CRELD2: variants seen among roughly 807,000 people sequenced by gnomAD.
CRELD2 encodes the protein protein disulfide isomerase CRELD2.
CRELD2 carries 33 observed loss-of-function variants against 48.1 expected under a neutral mutation model. That is an observed-to-expected ratio of 0.69 (90% confidence interval 0.52 to 0.92). The LOEUF (loss-of-function observed/expected upper bound fraction) is 0.92. Ranked by LOEUF, CRELD2 falls within the 40% of genes least tolerant of loss-of-function variation. The pLI is 0.00. For missense variants in CRELD2, 477 were observed against 482.4 expected (o/e 0.99, Z 0.10); for synonymous variants, 220 against 203.9 (o/e 1.08, Z -0.67).
At chr22:49,921,795 AG>A in intron 5 of CRELD2, 34 bp downstream of exon 5, 1 of 1,581,304 alleles carries the variant, frequency 6.3e-7, no homozygotes, top group Non-Finnish European at 8.6e-7. Flanking sequence ...CCCGGGGTTG[AG>A]GCGGGATGAC....
At chr22:49,921,987 C>A (rs748666312) in intron 5 of CRELD2, 20 of 605,958 alleles carry the variant, frequency 3.3e-5, no homozygotes, top group Non-Finnish European at 5.8e-6. Flanking sequence ...AAGCTACTCA[C>A]CTTTCTCTCT....
At chr22:49,922,850 AGGTGTGG>A (rs2060710901) in intron 6 of CRELD2, 143 bp downstream of exon 6, 1 of 69,228 alleles carries the variant, frequency 1.4e-5, no homozygotes, top group African/African-American at 1.0e-4. Flanking sequence ...TGGGGGCGTG[AGGTGTGG>A]GGCTTGGGGT....
intron 8 of CRELD2, chr22:49,925,212 G>T (rs1428674125): frequency 2.1e-6 from 1 of 479,718 alleles, no homozygotes; most frequent in East Asian, 3.6e-5. Context: ...TCTCTTCTCT[G>T]CATTTTCTAC....
chr22:49,922,582 T>C (rs775053612), intron 5 of CRELD2, 30 bp from the exon 6 acceptor site: 1 of 1,512,336 alleles, frequency 6.6e-7, no homozygotes, highest in Non-Finnish European at 8.9e-7. Context: ...GAGAGTGGGG[T>C]TTGTACCCAG....
At chr22:49,925,628 G>A (rs1196123612) in intron 9 of CRELD2, 71 bp downstream of exon 9, 1 of 1,596,712 alleles carries the variant, frequency 6.3e-7, no homozygotes, top group Non-Finnish European at 8.5e-7. Context: ...TAGACTGGCT[G>A]CTTGGTCTGA....
intron 7 of CRELD2, 185 bp from the exon 8 acceptor site, chr22:49,924,175 G>A: frequency 1.9e-6 from 1 of 526,238 alleles, no homozygotes. Context: ...GGGAGCACCT[G>A]CTGCACAGCA....
Position 49,924,451 on chromosome 22 carries a change from TG to T in CRELD2, c.865del (p.Ala289GlnfsTer8). On this transcript the variant is annotated frameshift_variant, in exon 8 of 10. Transcript: ENST00000328268. LOFTEE classifies it high-confidence loss of function. ...SGYAREHGQC[A>X]DVDECSLAEK... ...GCTACGCGAGGGAGCACGGACAGTG[TG>T]CAGGTCAGTGACGGGGTCTGTGCTG... The T allele has an allele frequency of 6.2e-7, 1 of 1,602,544 alleles. No homozygotes were observed. Among genetic ancestry groups the T allele is most frequent in the Non-Finnish European group, 8.5e-7 (1 of 1,173,918 alleles).
chr22:49,924,146 G>T, intron 7 of CRELD2: 1 of 483,128 alleles, frequency 2.1e-6, no homozygotes, highest in South Asian at 2.6e-5. Context: ...AAGCCAGGTG[G>T]TCTGCACCAT....
intron 2 of CRELD2, 101 bp downstream of exon 2, chr22:49,919,413 GC>G: frequency 9.2e-7 from 1 of 1,083,374 alleles, no homozygotes; most frequent in Non-Finnish European, 1.4e-6. Flanking sequence ...AGACAGAACA[GC>G]CCCCGAGGCA....
At chr22:49,922,564 T>A in intron 5 of CRELD2, 48 bp from the exon 6 acceptor site, 1 of 1,495,530 alleles carries the variant, frequency 6.7e-7, no homozygotes, top group East Asian at 2.5e-5. Context: ...GTCCCCAAGC[T>A]GGTACCTGAG....
At chr22:49,926,688 C>T (rs1326708155) in intron 9 of CRELD2, among the ~76,000 whole-genome samples, 6 of 5,230 alleles carry the variant, frequency 1.1e-3, no homozygotes, top group Non-Finnish European at 1.9e-3. Context: ...CCCCCCACCC[C>T]GGGTCCCCTC....
Position 49,920,137 on chromosome 22 carries a change from TG to T in CRELD2, c.324-18del. ...ACCGTGTCTGCTGGGATTCAGTGAATGTTTTCCTCCATCCTCAGGAAGAGCG... is the reference window on the plus strand; with the variant it reads ...ACCGTGTCTGCTGGGATTCAGTGAATTTTTCCTCCATCCTCAGGAAGAGCG... On this transcript the variant is annotated intron_variant, in intron 3 of 9. Transcript: ENST00000328268. The T allele has an allele frequency of 1.3e-6, 2 of 1,536,284 alleles. No individual in the cohort carries two copies. Among genetic ancestry groups the T allele is most frequent in the Non-Finnish European group, 1.8e-6 (2 of 1,109,608 alleles).
chr22:49,921,844 CAG>C, intron 5 of CRELD2, 83 bp downstream of exon 5: 5 of 1,403,020 alleles, frequency 3.6e-6, no homozygotes, highest in Admixed American at 4.1e-5. Context: ...TAGATGGGAA[CAG>C]GGGCCTGTTG....
chr22:49,920,075 G>A (rs1485830447), intron 3 of CRELD2, 81 bp from the exon 4 acceptor site: 1 of 935,888 alleles, frequency 1.1e-6, no homozygotes, highest in Non-Finnish European at 1.7e-6. Context: ...ATACTCCAGA[G>A]CATATGTTAC....
At chr22:49,921,549 A>G (rs1555934370) in intron 4 of CRELD2, 36 bp from the exon 5 acceptor site, 3 of 1,596,486 alleles carry the variant, frequency 1.9e-6, no homozygotes, top group East Asian at 2.2e-5. Context: ...GGTCACCACC[A>G]GGTGTGCTCT....
In CRELD2 at chr22:49,919,129, C is replaced by A. The variant is rs948639712; in HGVS notation, c.130-101C>A. ...CCCCACCGTGGAACCAGGGTCGACGCCACCGTGGGCCTGGAGTCCCCTCAC... is the reference window on the plus strand; with the variant it reads ...CCCCACCGTGGAACCAGGGTCGACGACACCGTGGGCCTGGAGTCCCCTCAC... On this transcript the variant is annotated intron_variant, in intron 1 of 9. Transcript: ENST00000328268. The A allele has an allele frequency of 2.0e-4, 247 of 1,257,146 alleles. 1 individual carries two copies. Among genetic ancestry groups the A allele is most frequent in the Non-Finnish European group, 2.7e-4 (234 of 865,814 alleles). The allele number at this position is 1,257,146 out of a possible 1,614,324, so 77.9% of individuals were successfully genotyped here. A position where few individuals can be genotyped will look rare whatever the true frequency, so the allele number is the denominator to read the frequency against.
intron 7 of CRELD2, chr22:49,923,653 G>A (rs1203220817): frequency 1.8e-5 from 8 of 446,390 alleles, no homozygotes; most frequent in Non-Finnish European, 2.5e-5. Flanking sequence ...TGTTGCGAAC[G>A]TCTCTGCGTC....
intron 5 of CRELD2, 150 bp from the exon 6 acceptor site, chr22:49,922,462 G>T: frequency 1.3e-6 from 2 of 1,568,918 alleles, no homozygotes; most frequent in East Asian, 2.3e-5. Context: ...AAATTCCTTG[G>T]AGTCCTGGTT....
rs867250364 is a variant in CRELD2 at position 49,918,867 on chromosome 22, G to A, written c.98G>A (p.Arg33Gln). 101 of 1,301,486 alleles carry A rather than the reference G, an allele frequency of 7.8e-5. No individual in the cohort carries two copies. The African/African-American group carries it at 1.2e-3, about 16-fold the overall frequency. The allele number at this position is 1,301,486 out of a possible 1,614,324, so 80.6% of individuals were successfully genotyped here. Residue 33 changes from arginine to glutamine, a missense_variant, in exon 1 of 10, where the codon CGG becomes CAG. Arg to Gln is a conservative substitution (Grantham distance 43, BLOSUM62 1). Coordinates refer to ENST00000328268, the MANE Select transcript of CRELD2 (RefSeq NM_024324.5). The stretch of plus-strand genomic sequence containing the variant: ...GCCAAGAAGCCGACGCCCTGCCACC[G>A]GTGCCGGGGGCTGGTGGACAAGTTT... ...EAAKKPTPCHRCRGLVDKFNQ... is the reference protein window; with the variant it reads ...EAAKKPTPCHQCRGLVDKFNQ...
Sources: gnomAD v4.1 joint callset for allele counts (sites outside exome capture counted in the v4.1 genomes callset) on GRCh38, gnomAD v4.1.1 for gene constraint, MANE v1.5 for transcripts, NCBI Gene and HGNC (gene_info 2026-07-23, HGNC 2026-07-21) for gene names.